GRIK3: variants seen among roughly 807,000 people sequenced by gnomAD.
GRIK3 encodes the protein glutamate ionotropic receptor kainate type subunit 3.
A neutral mutation model predicts 102.5 loss-of-function variants in GRIK3; 29 were observed. The ratio of observed to expected loss-of-function variants is 0.28; its 90% CI spans 0.21 to 0.39. The LOEUF (loss-of-function observed/expected upper bound fraction) is 0.39. Among genes scored for constraint, GRIK3 ranks in the 10% least tolerant of loss-of-function variants. The pLI, the probability that GRIK3 is intolerant of heterozygous loss-of-function variation, is 1.00. For missense variants in GRIK3, 908 were observed against 1,252.4 expected, an observed-to-expected ratio of 0.73 and a Z score of 4.15; for synonymous variants, 511 against 504.9, an observed-to-expected ratio of 1.01 and a Z score of -0.16.
intron 1 of GRIK3, among the ~76,000 whole-genome samples, chr1:36,932,835 A>G (rs4653233): frequency 0.85 from 129,654 of 152,068 alleles, 55,355 homozygotes; most frequent in East Asian, 0.99. Context: ...TAGGTACTGC[A>G]TCTATTTGCT....
chr1:36,805,348 T>A (rs773290787), intron 14 of GRIK3, 111 bp from the exon 15 acceptor site: 10 of 1,096,688 alleles, frequency 9.1e-6, no homozygotes, highest in Non-Finnish European at 1.2e-5. Flanking sequence ...GATCAGCTCA[T>A]GAAAGGGGGT....
intron 1 of GRIK3, among the ~76,000 whole-genome samples, chr1:36,972,148 G>GGCTCCGCCACGT (rs1642149724): frequency 2.0e-5 from 3 of 152,218 alleles, no homozygotes; most frequent in African/African-American, 7.2e-5. Flanking sequence ...CTTTGGCATG[G>GGCTCCGCCACGT]GCTCCGCCAC....
At chr1:36,895,825 A>G (rs1641165971) in intron 1 of GRIK3, among the ~76,000 whole-genome samples, 1 of 152,180 alleles carries the variant, frequency 6.6e-6, no homozygotes, top group South Asian at 2.1e-4. Flanking sequence ...ACTGAGGCAT[A>G]TCATTTTCAA....
chr1:36,817,580 C>T (rs900712479), intron 12 of GRIK3, among the ~76,000 whole-genome samples: 3 of 152,166 alleles, frequency 2.0e-5, no homozygotes, highest in Admixed American at 6.5e-5. Context: ...ATTTAAGAAT[C>T]GCTCTTCTAG....
At chr1:36,875,876 A>G (rs1640908153) in intron 3 of GRIK3, among the ~76,000 whole-genome samples, 1 of 152,260 alleles carries the variant, frequency 6.6e-6, no homozygotes, top group African/African-American at 2.4e-5. Context: ...CCAGCATTCT[A>G]AAAGAACTGT....
At chr1:37,016,029 A>G (rs1168500686) in intron 1 of GRIK3, among the ~76,000 whole-genome samples, 1 of 152,246 alleles carries the variant, frequency 6.6e-6, no homozygotes, top group African/African-American at 2.4e-5. Flanking sequence ...GCCACCCAAG[A>G]GACACACAGC....
intron 13 of GRIK3, among the ~76,000 whole-genome samples, chr1:36,814,278 G>A (rs1000812481): frequency 1.2e-4 from 19 of 152,170 alleles, no homozygotes; most frequent in African/African-American, 3.4e-4. Context: ...TATTTATGCC[G>A]TTTCACTTTG....
chr1:36,921,590 C>A (rs1029220763), intron 1 of GRIK3, among the ~76,000 whole-genome samples: 1 of 147,254 alleles, frequency 6.8e-6, no homozygotes. Context: ...ATTTTTATTA[C>A]CATATTTCAT....
chr1:36,976,415 C>G (rs976011112), intron 1 of GRIK3, among the ~76,000 whole-genome samples: 2 of 151,978 alleles, frequency 1.3e-5, no homozygotes, highest in Non-Finnish European at 2.9e-5. Context: ...GTCTGAAAAA[C>G]CTTTGTGACC....
intron 1 of GRIK3, among the ~76,000 whole-genome samples, chr1:36,920,928 C>G (rs1315356952): frequency 6.6e-6 from 1 of 152,224 alleles, no homozygotes; most frequent in African/African-American, 2.4e-5. Flanking sequence ...CCTGCTGCCT[C>G]CCGCCCCCTC....
chr1:36,905,009 G>A (rs1160728916), intron 1 of GRIK3, among the ~76,000 whole-genome samples: 1 of 152,086 alleles, frequency 6.6e-6, no homozygotes, highest in East Asian at 1.9e-4. Context: ...AAGGGAATCA[G>A]GTGAAAACCT....
chr1:36,815,842 C>A (rs562754032), intron 13 of GRIK3, among the ~76,000 whole-genome samples: 324 of 152,192 alleles, frequency 2.1e-3, no homozygotes, highest in Middle Eastern at 0.01. Flanking sequence ...TCACTGCAAC[C>A]TCTGCCTCCC....
At position 36,900,546 on chromosome 1, in the gene GRIK3, G is replaced by C. The variant is rs137865360; in HGVS notation, c.116-9450C>G. The stretch of plus-strand genomic sequence containing the variant: ...CTTATCAAAATTTGTGGGATGTAGT[G>C]AAAGCAGTGCATAGAGAGAAATTTA... On this transcript the variant is annotated intron_variant, in intron 1 of 15. Coordinates refer to ENST00000373091, the MANE Select transcript of GRIK3 (RefSeq NM_000831.4). Among the ~76,000 whole-genome samples, 66 of 152,304 alleles carry C rather than the reference G, an allele frequency of 4.3e-4. 1 individual carries two copies. Among genetic ancestry groups the C allele is most frequent in the African/African-American group, 1.5e-3 (63 of 41,568 alleles).
chr1:36,961,850 C>T (rs1306961497), intron 1 of GRIK3, among the ~76,000 whole-genome samples: 3 of 152,194 alleles, frequency 2.0e-5, no homozygotes, highest in East Asian at 1.9e-4. Flanking sequence ...GTCCTAGGTG[C>T]GGGGGACTCA....
chr1:36,915,931 G>A (rs369265133), intron 1 of GRIK3, among the ~76,000 whole-genome samples: 88 of 152,274 alleles, frequency 5.8e-4, no homozygotes, highest in African/African-American at 9.4e-4. Flanking sequence ...ATGTGGAAGC[G>A]ACTTTGGAAC....
At position 36,860,009 on chromosome 1, in the gene GRIK3, G is replaced by A. The variant is rs200221233; in HGVS notation, c.795C>T (p.Tyr265=). 21 of 1,591,892 alleles carry A rather than the reference G, an allele frequency of 1.3e-5. No individual in the cohort carries two copies. The highest frequency in any genetic ancestry group is 1.3e-4 in the South Asian group (11 of 87,142). The change falls in exon 6 of 16, where the codon TAC becomes TAT. Residue 265 remains tyrosine, a synonymous_variant. Transcript: ENST00000373091. ...AGCGGTAGGGCTCCAGGTCTAAAGC[G>A]TAGAGATCCTGGATAGAGAGAGGTC... ...YHFIFTTLDL[Y]ALDLEPYRYS...
At chr1:36,825,504 G>T in intron 11 of GRIK3, 99 bp downstream of exon 11, 1 of 717,556 alleles carries the variant, frequency 1.4e-6, no homozygotes, top group African/African-American at 1.8e-5. Context: ...AGTGGCCTGA[G>T]CCTTGGGCTT....
Position 36,817,042 on chromosome 1 carries a change from G to A in GRIK3, c.2091+18C>T, listed in dbSNP as rs749573392. The A allele has an allele frequency of 3.9e-6, 6 of 1,554,302 alleles. No homozygotes were observed. The East Asian group carries it at 9.0e-5, about 23-fold the overall frequency. ...AGGATCAGCTCACGGTGCTGCAATA[G>A]GAGGGAGAGGGCCTCACCTTGAAGA... On this transcript the variant is annotated intron_variant, in intron 13 of 15. Transcript: ENST00000373091.
intron 1 of GRIK3, among the ~76,000 whole-genome samples, chr1:36,936,389 T>C (rs1269908216): frequency 6.6e-6 from 1 of 152,154 alleles, no homozygotes; most frequent in Non-Finnish European, 1.5e-5. Flanking sequence ...CCAAAGCATT[T>C]GATGATAACC....
Sources: gnomAD v4.1 joint callset for allele counts (sites outside exome capture counted in the v4.1 genomes callset) on GRCh38, gnomAD v4.1.1 for gene constraint, MANE v1.5 for transcripts, NCBI Gene and HGNC (gene_info 2026-07-23, HGNC 2026-07-21) for gene names.